The following PTPRM variants were observed in gnomAD, a reference collection of about 807,000 sequenced individuals.
PTPRM encodes receptor-type tyrosine-protein phosphatase mu.
In PTPRM, 47 loss-of-function variants were observed where a neutral mutation model predicts 186.7. The observed-to-expected ratio is 0.25, with a 90% CI of 0.20 to 0.32. The LOEUF (loss-of-function observed/expected upper bound fraction) is 0.32. Ranked by LOEUF, PTPRM falls within the 10% of genes least tolerant of loss-of-function variation. The pLI is 1.00. For synonymous variants in PTPRM, 668 were observed against 674.9 expected (o/e 0.99, Z 0.16); for missense variants, 1,494 against 1,865.0 (o/e 0.80, Z 3.66).
chr18:8,317,882 A>T (rs141772091), intron 21 of PTPRM, among the ~76,000 whole-genome samples: 2 of 152,298 alleles, frequency 1.3e-5, no homozygotes, highest in East Asian at 3.9e-4. Context: ...AGTATGGATA[A>T]GTCAAGCAAG....
intron 23 of PTPRM, among the ~76,000 whole-genome samples, chr18:8,346,815 A>AG: frequency 6.6e-6 from 1 of 151,212 alleles, no homozygotes; most frequent in South Asian, 2.1e-4. Context: ...ATTGAAAAAA[A>AG]AAAGGCCAAC....
chr18:8,197,685 C>G (rs2093798929), intron 14 of PTPRM, among the ~76,000 whole-genome samples: 1 of 152,204 alleles, frequency 6.6e-6, no homozygotes, highest in South Asian at 2.1e-4. Context: ...ATATACTCCT[C>G]AGTCACATCA....
chr18:8,001,668 G>A (rs1328412956), intron 7 of PTPRM, among the ~76,000 whole-genome samples: 1 of 152,076 alleles, frequency 6.6e-6, no homozygotes, highest in Non-Finnish European at 1.5e-5. Flanking sequence ...AGTTAAGTCT[G>A]TATGGCTCCC....
At chr18:8,049,644 A>G (rs1428227232) in intron 7 of PTPRM, among the ~76,000 whole-genome samples, 2 of 149,620 alleles carry the variant, frequency 1.3e-5, no homozygotes, top group African/African-American at 5.1e-5. Flanking sequence ...GACATAGAGA[A>G]ACATAATAAA....
intron 7 of PTPRM, among the ~76,000 whole-genome samples, chr18:8,056,239 T>A (rs1031617255): frequency 6.6e-6 from 1 of 152,214 alleles, no homozygotes; most frequent in Admixed American, 6.5e-5. Context: ...CATAAACCTT[T>A]GTCAAATACA....
chr18:8,029,582 G>A (rs2085818632), intron 7 of PTPRM, among the ~76,000 whole-genome samples: 1 of 152,262 alleles, frequency 6.6e-6, no homozygotes, highest in Non-Finnish European at 1.5e-5. Context: ...TCCCCACTAA[G>A]AATTCCTTCC....
chr18:8,022,467 T>G (rs534614685), intron 7 of PTPRM, among the ~76,000 whole-genome samples: 1 of 152,344 alleles, frequency 6.6e-6, no homozygotes, highest in South Asian at 2.1e-4. Flanking sequence ...CATTACTGTT[T>G]GTATATAATC....
intron 1 of PTPRM, among the ~76,000 whole-genome samples, chr18:7,706,043 G>T (rs537269370): frequency 4.8e-4 from 72 of 148,648 alleles, no homozygotes; most frequent in African/African-American, 1.6e-3. Context: ...CTATATATGT[G>T]TGTGTATATA....
chr18:7,750,567 A>G (rs1369682501), intron 1 of PTPRM, among the ~76,000 whole-genome samples: 2 of 152,176 alleles, frequency 1.3e-5, no homozygotes, highest in African/African-American at 2.4e-5. Flanking sequence ...TCTGTTTTAT[A>G]TTTAAGACCC....
At chr18:7,699,540 T>G (rs2039914973) in intron 1 of PTPRM, among the ~76,000 whole-genome samples, 1 of 151,858 alleles carries the variant, frequency 6.6e-6, no homozygotes, top group Non-Finnish European at 1.5e-5. Flanking sequence ...TCCTGAGTAG[T>G]TGGGACTACA....
chr18:7,705,995 T>C (rs2040079691), intron 1 of PTPRM, among the ~76,000 whole-genome samples: 1 of 147,846 alleles, frequency 6.8e-6, no homozygotes, highest in Non-Finnish European at 1.5e-5. Flanking sequence ...TAAATTTATA[T>C]ATTTATATAT....
chr18:8,099,748 A>G lies in PTPRM; in HGVS notation c.1856+10897A>G, dbSNP rs747884914. On this transcript the variant is annotated intron_variant, in intron 11 of 32. Coordinates refer to ENST00000580170, the MANE Select transcript of PTPRM (RefSeq NM_001105244.2). ...ACATCTAATCTCTCTGATGTAAACA[A>G]TTCATACAAGTTAATAGTTTAGAAA... is the stretch of plus-strand genomic sequence containing the variant. 2.0e-4 allele frequency among the ~76,000 whole-genome samples: 30 copies of G among 152,218 alleles called. 1 individual carries two copies. Among genetic ancestry groups the G allele is most frequent in the Non-Finnish European group, 3.8e-4 (26 of 68,040 alleles).
At chr18:7,941,764 TG>T (rs1298278693) in intron 5 of PTPRM, among the ~76,000 whole-genome samples, 1 of 152,238 alleles carries the variant, frequency 6.6e-6, no homozygotes, top group Non-Finnish European at 1.5e-5. Flanking sequence ...CTGATCTTCC[TG>T]GCAGTTAGCC....
chr18:7,785,036 A>G lies in PTPRM; in HGVS notation c.196+10765A>G, dbSNP rs1179344668. On this transcript the variant is annotated intron_variant, in intron 2 of 32. Coordinates refer to ENST00000580170, the MANE Select transcript of PTPRM (RefSeq NM_001105244.2). ...CGCCAGACAGAAGGACATCCTGTGT[A>G]AAGGCAGTGAGGGGTGGGAAGGGAG... Among the ~76,000 whole-genome samples, 5 of 152,154 alleles carry G rather than the reference A, an allele frequency of 3.3e-5. No homozygotes were observed. In the East Asian group the frequency reaches 9.6e-4, roughly 29 times the overall value.
At chr18:8,045,294 G>C (rs967322906) in intron 7 of PTPRM, among the ~76,000 whole-genome samples, 5 of 152,192 alleles carry the variant, frequency 3.3e-5, no homozygotes, top group African/African-American at 4.8e-5. Context: ...GTTGCAGTCA[G>C]CTGTGATCGC....
intron 7 of PTPRM, among the ~76,000 whole-genome samples, chr18:8,050,941 CAACTGT>C (rs1230286392): frequency 1.3e-5 from 2 of 152,100 alleles, no homozygotes; most frequent in Non-Finnish European, 2.9e-5. Context: ...GGGGGAGCAA[CAACTGT>C]ACCCAAGTGT....
intron 20 of PTPRM, among the ~76,000 whole-genome samples, chr18:8,299,740 C>T (rs1236453975): frequency 6.6e-6 from 1 of 151,636 alleles, no homozygotes; most frequent in Non-Finnish European, 1.5e-5. Flanking sequence ...CTCAGTTCAG[C>T]TTCTTGGCTC....
intron 1 of PTPRM, among the ~76,000 whole-genome samples, chr18:7,665,221 C>T (rs1164296641): frequency 6.6e-6 from 1 of 152,184 alleles, no homozygotes; most frequent in South Asian, 2.1e-4. Flanking sequence ...TTATGTATTT[C>T]GATAGAAATG....
At chr18:7,833,029 G>A (rs1180642162) in intron 2 of PTPRM, among the ~76,000 whole-genome samples, 2 of 152,090 alleles carry the variant, frequency 1.3e-5, no homozygotes, top group Non-Finnish European at 2.9e-5. Context: ...TAGCTCTGTA[G>A]TATAATTTGA....
Sources: gnomAD v4.1 joint callset for allele counts (sites outside exome capture counted in the v4.1 genomes callset) on GRCh38, gnomAD v4.1.1 for gene constraint, MANE v1.5 for transcripts, NCBI Gene and HGNC (gene_info 2026-07-23, HGNC 2026-07-21) for gene names.